Variants in ABL2 observed in about 807,000 individuals in gnomAD.
ABL2 encodes the protein ABL proto-oncogene 2, non-receptor tyrosine kinase.
A neutral mutation model predicts 107.7 loss-of-function variants in ABL2; 49 were observed. That is an observed-to-expected ratio of 0.45 (90% CI 0.36 to 0.58). The LOEUF (loss-of-function observed/expected upper bound fraction) is 0.58, where lower values mean the gene tolerates loss of function less well. Ranked by LOEUF, ABL2 falls within the 20% of genes least tolerant of loss-of-function variation. The pLI is 0.00. For synonymous variants in ABL2, 549 were observed against 548.6 expected (o/e 1.00, Z -0.01); for missense variants, 1,245 against 1,457.0 (o/e 0.85, Z 2.37).
Position 179,177,099 on chromosome 1 carries a change from A to T in ABL2, c.158-43725T>A, listed in dbSNP as rs564214504. ...TGTCCAACACTTAAGAGAGTGAATG[A>T]ATCAATAGAAGAGAAAGACTTAATT... is the stretch of plus-strand genomic sequence containing the variant. On this transcript the variant is annotated intron_variant, in intron 1 of 11. Coordinates refer to ENST00000502732, the MANE Select transcript of ABL2 (RefSeq NM_007314.4). Among the ~76,000 whole-genome samples, 96 of 152,282 alleles carry T rather than the reference A, an allele frequency of 6.3e-4. No homozygotes were observed. The South Asian group carries it at 9.5e-3, about 15-fold the overall frequency.
At chr1:179,163,730 G>C (rs1337452174) in intron 1 of ABL2, among the ~76,000 whole-genome samples, 1 of 152,166 alleles carries the variant, frequency 6.6e-6, no homozygotes, top group Admixed American at 6.5e-5. Flanking sequence ...CTGGATGACA[G>C]AGTGAGACTC....
At chr1:179,129,885 A>G (rs1375781100) in intron 3 of ABL2, among the ~76,000 whole-genome samples, 1 of 152,142 alleles carries the variant, frequency 6.6e-6, no homozygotes, top group African/African-American at 2.4e-5. Context: ...CCTATGTACA[A>G]TTGGCCAGCA....
intron 1 of ABL2, among the ~76,000 whole-genome samples, chr1:179,182,062 C>T (rs907666752): frequency 6.7e-6 from 1 of 149,406 alleles, no homozygotes; most frequent in African/African-American, 2.5e-5. Flanking sequence ...TCCCAAAGTG[C>T]TGGGAATTAC....
intron 1 of ABL2, chr1:179,143,197 C>A: frequency 9.0e-7 from 1 of 1,116,868 alleles, no homozygotes; most frequent in Non-Finnish European, 1.2e-6. Flanking sequence ...ATTCACAATT[C>A]CCAAAGTGGG....
intron 3 of ABL2, among the ~76,000 whole-genome samples, chr1:179,130,893 C>A (rs1656248855): frequency 6.6e-6 from 1 of 151,512 alleles, no homozygotes; most frequent in African/African-American, 2.4e-5. Flanking sequence ...ACCTTTTGAA[C>A]ATATGAAAGC....
chr1:179,146,005 T>C (rs985158331), intron 1 of ABL2, among the ~76,000 whole-genome samples: 1 of 151,882 alleles, frequency 6.6e-6, no homozygotes, highest in Non-Finnish European at 1.5e-5. Context: ...GCGATTCTCC[T>C]GCCTCAGCCT....
chr1:179,164,799 G>T (rs1306205616), intron 1 of ABL2, among the ~76,000 whole-genome samples: 1 of 152,182 alleles, frequency 6.6e-6, no homozygotes, highest in Non-Finnish European at 1.5e-5. Flanking sequence ...ATATATGAAT[G>T]TATCTGTGTA....
In ABL2 at chr1:179,229,535, G is replaced by A. The variant is rs933133850; in HGVS notation, c.-138C>T. On this transcript the variant is annotated 5_prime_UTR_variant, in exon 1 of 12. Coordinates refer to ENST00000502732, the MANE Select transcript of ABL2 (RefSeq NM_007314.4). The stretch of plus-strand genomic sequence containing the variant: ...GCCCTGAGTGGCTGGGCCACCGGCG[G>A]CTCCGCACCCGGCCTCCTCACGGCA... 2.3e-5 allele frequency: 21 copies of A among 902,604 alleles called. No individual in the cohort carries two copies. The African/African-American group carries it at 3.7e-4, about 16-fold the overall frequency. The allele number at this position is 902,604 out of a possible 1,614,324, so 55.9% of individuals were successfully genotyped here.
chr1:179,203,521 G>A (rs1661784911), intron 1 of ABL2, among the ~76,000 whole-genome samples: 1 of 150,982 alleles, frequency 6.6e-6, no homozygotes, highest in Non-Finnish European at 1.5e-5. Context: ...TCTTCTCAAA[G>A]TAAACAGTCT....
intron 9 of ABL2, among the ~76,000 whole-genome samples, chr1:179,113,865 T>C (rs4652357): frequency 0.69 from 104,991 of 151,212 alleles, 37,171 homozygotes; most frequent in African/African-American, 0.85. Flanking sequence ...ACCCGAGAGG[T>C]GGAGCTTGCA....
At chr1:179,179,293 C>T (rs1003189699) in intron 1 of ABL2, among the ~76,000 whole-genome samples, 2 of 152,164 alleles carry the variant, frequency 1.3e-5, no homozygotes, top group Non-Finnish European at 2.9e-5. Flanking sequence ...CTAATTATGA[C>T]TGTCATGATT....
intron 1 of ABL2, among the ~76,000 whole-genome samples, chr1:179,178,144 T>A (rs1660151159): frequency 6.6e-6 from 1 of 152,166 alleles, no homozygotes; most frequent in Non-Finnish European, 1.5e-5. Flanking sequence ...ATGCCTGTAA[T>A]CCCAGCACTT....
chr1:179,187,185 T>G (rs1660724903), intron 1 of ABL2, among the ~76,000 whole-genome samples: 1 of 152,214 alleles, frequency 6.6e-6, no homozygotes, highest in South Asian at 2.1e-4. Context: ...AGTTCTGAGA[T>G]CCTCAGATTT....
chr1:179,142,982 A>G (rs770072289), intron 1 of ABL2: 4 of 1,614,112 alleles, frequency 2.5e-6, no homozygotes, highest in Non-Finnish European at 3.4e-6. Flanking sequence ...ACAGGCAGCA[A>G]AGTGAAGTGT....
Position 179,107,683 on chromosome 1 carries a change from G to T in ABL2, c.*35C>A. ...ACAAGTCCTTTTCCCTCTCCCCTCA[G>T]AAATGTGTGCATTTTCCCACCAGGC... On this transcript the variant is annotated 3_prime_UTR_variant, in exon 12 of 12. Coordinates refer to ENST00000502732, the MANE Select transcript of ABL2 (RefSeq NM_007314.4). The T allele has an allele frequency of 6.4e-7, 1 of 1,556,910 alleles. No individual in the cohort carries two copies. The highest frequency in any genetic ancestry group is 1.4e-5 in the African/African-American group (1 of 73,322).
intron 1 of ABL2, among the ~76,000 whole-genome samples, chr1:179,134,814 C>G (rs1656701279): frequency 1.3e-5 from 2 of 152,180 alleles, no homozygotes; most frequent in African/African-American, 4.8e-5. Flanking sequence ...CATCTCGGCT[C>G]ACTGCAACCT....
intron 1 of ABL2, among the ~76,000 whole-genome samples, chr1:179,228,935 C>A (rs937018455): frequency 6.6e-6 from 1 of 152,160 alleles, no homozygotes; most frequent in Non-Finnish European, 1.5e-5. Flanking sequence ...TCTCCTGAAG[C>A]TGCCATTCAC....
chr1:179,181,787 ATTTTT>A (rs1429312920), intron 1 of ABL2, among the ~76,000 whole-genome samples: 1 of 150,770 alleles, frequency 6.6e-6, no homozygotes, highest in Non-Finnish European at 1.5e-5. Context: ...ATTTTATTTT[ATTTTT>A]ATTTTTGAGA....
At position 179,126,265 on chromosome 1, in the gene ABL2, A is replaced by G. The variant is rs116166528; in HGVS notation, c.687+112T>C. ...AAAGCCCAAACTCACAAAGCTAGTG[A>G]ATATTTTATTTCACGTCAGACATAA... is the stretch of plus-strand genomic sequence containing the variant. On this transcript the variant is annotated intron_variant, in intron 4 of 11. Coordinates refer to ENST00000502732, the MANE Select transcript of ABL2 (RefSeq NM_007314.4). This position sits in a 1 kb window ranked among gnomAD's most constrained non-coding sequence, Gnocchi z 4.4. The G allele has an allele frequency of 1.1e-3, 1,438 of 1,261,644 alleles. 14 individuals are homozygous for G. In the African/African-American group the frequency reaches 0.019, roughly 16 times the overall value. The allele number at this position is 1,261,644 out of a possible 1,614,324, so 78.2% of individuals were successfully genotyped here. A position where few individuals can be genotyped will look rare whatever the true frequency, so the allele number is the denominator to read the frequency against.
Sources: allele counts gnomAD v4.1 joint callset (sites outside exome capture counted in the v4.1 genomes callset), GRCh38; gene constraint gnomAD v4.1.1; non-coding constraint Gnocchi (gnomAD v3.1); transcripts MANE v1.5; gene names NCBI Gene and HGNC (gene_info 2026-07-23, HGNC 2026-07-21).